Variants in ELFN1 observed in about 807,000 individuals in gnomAD.
ELFN1 encodes the protein extracellular leucine rich repeat and fibronectin type III domain containing 1, also known as protein ELFN1.
In ELFN1, 6 loss-of-function variants were observed where a neutral mutation model predicts 7.6. The ratio of observed to expected loss-of-function variants is 0.79; its 90% CI spans 0.43 to 1.56. ELFN1 has a LOEUF of 1.56. Among genes scored for constraint, ELFN1 ranks in the 40% most tolerant of loss-of-function variants. The probability of loss-of-function intolerance (pLI) is 0.01; values close to 1 mark genes in which losing one functional copy is unlikely to be tolerated. For synonymous variants in ELFN1, 657 were observed against 588.1 expected (o/e 1.12, Z -1.70); for missense variants, 1,169 against 1,232.2 (o/e 0.95, Z 0.77).
At chr7:1,680,563 A>G (rs1778955595) in intron 1 of ELFN1, among the ~76,000 whole-genome samples, 1 of 151,586 alleles carries the variant, frequency 6.6e-6, no homozygotes, top group Non-Finnish European at 1.5e-5. Context: ...CGTGCCTTCC[A>G]CTCTCCATCT....
At position 1,705,234 on chromosome 7, in the gene ELFN1, G is replaced by A. The variant is rs1229635963; in HGVS notation, c.-455-3857G>A. On this transcript the variant is annotated intron_variant, in intron 2 of 3. Transcript: ENST00000424383. The surrounding 1 kb of genome is among the most constrained non-coding windows in gnomAD (Gnocchi z 4.3). The stretch of plus-strand genomic sequence containing the variant: ...GCGGGGCGGCACAGCTGTGCGGGAG[G>A]CTGGGCTGCTGGCATCAGCAGGCGC... Among the ~76,000 whole-genome samples, 5 of 152,284 alleles carry A rather than the reference G, an allele frequency of 3.3e-5. No homozygotes were observed. The highest frequency in any genetic ancestry group is 2.6e-4 in the Admixed American group (4 of 15,310).
upstream of ELFN1, among the ~76,000 whole-genome samples, chr7:1,667,160 C>A (rs67106788): frequency 0.11 from 16,970 of 151,580 alleles, 967 homozygotes; most frequent in African/African-American, 0.13. The surrounding 1 kb of genome is among the most constrained non-coding windows in gnomAD (Gnocchi z 8.2). Context: ...TCCCAAACTG[C>A]ACGGTGGCCA....
At chr7:1,697,844 G>C (rs1202940899) in intron 2 of ELFN1, among the ~76,000 whole-genome samples, 1 of 152,170 alleles carries the variant, frequency 6.6e-6, no homozygotes, top group East Asian at 1.9e-4. Flanking sequence ...GAGTGCAGTG[G>C]TGCAATCATG....
At position 1,695,253 on chromosome 7, in the gene ELFN1, G is replaced by A. The variant is rs1013965082; in HGVS notation, c.-456+7103G>A. 4.6e-5 allele frequency among the ~76,000 whole-genome samples: 7 copies of A among 152,308 alleles called. 1 individual carries two copies. The highest frequency in any genetic ancestry group is 1.7e-4 in the African/African-American group (7 of 41,564). On this transcript the variant is annotated intron_variant, in intron 2 of 3. Transcript: ENST00000424383. The surrounding 1 kb of genome is among the most constrained non-coding windows in gnomAD (Gnocchi z 5.1). Reference sequence around the variant, plus strand: ...CCTGAGAACCCCAGGAAGTAGTAGCGTGCCAGGTGCGTGGCCGGCCTCCCA... The same window carrying A: ...CCTGAGAACCCCAGGAAGTAGTAGCATGCCAGGTGCGTGGCCGGCCTCCCA...
In ELFN1 at chr7:1,739,796, G is replaced by C. The variant is rs533078964; in HGVS notation, c.-293-4508G>C. ...CAGAGGTCACCGGTGGCCTTGGTGA[G>C]AGCGGCTCAGAGGGCCCGAGGGGGG... On this transcript the variant is annotated intron_variant, in intron 3 of 3. Transcript: ENST00000424383. The surrounding 1 kb of genome is among the most constrained non-coding windows in gnomAD (Gnocchi z 4.6). Among the ~76,000 whole-genome samples the C allele has an allele frequency of 6.6e-6, 1 of 152,308 alleles. No homozygotes were observed. The highest frequency in any genetic ancestry group is 1.9e-4 in the East Asian group (1 of 5,174).
intron 3 of ELFN1, among the ~76,000 whole-genome samples, chr7:1,709,499 G>A (rs1779605596): frequency 6.6e-6 from 1 of 152,238 alleles, no homozygotes; most frequent in Non-Finnish European, 1.5e-5. Flanking sequence ...GGGCTGCCGG[G>A]GGACCCGGAA....
rs551679156 is a variant in ELFN1, at chr7:1,701,361, A to C, written c.-455-7730A>C. On this transcript the variant is annotated intron_variant, in intron 2 of 3. Coordinates refer to ENST00000424383, the MANE Select transcript of ELFN1 (RefSeq NM_001128636.4). ...CCATCATGCCTGGCTAATTTTTTAC[A>C]CAAATTTTGTAGACACGGTGTCTTC... is the stretch of plus-strand genomic sequence containing the variant. Among the ~76,000 whole-genome samples, 191 of 152,276 alleles carry C rather than the reference A, an allele frequency of 1.3e-3. 1 individual carries two copies. Among genetic ancestry groups the C allele is most frequent in the Non-Finnish European group, 2.4e-3 (164 of 68,020 alleles).
chr7:1,744,312 T>C lies in ELFN1; in HGVS notation c.-285T>C. 2.4e-6 allele frequency: 1 copy of C among 419,116 alleles called. No homozygotes were observed. Among genetic ancestry groups the C allele is most frequent in the East Asian group, 4.0e-5 (1 of 25,164 alleles). 26.0% of individuals were successfully genotyped at this position (419,116 alleles called of 1,614,324 possible). Reference sequence around the variant, plus strand: ...TCTCTCTTGTCTTGCAGCAGGAACGTCGGAGCAGGAGGAGTCAGTGGAGCC... The same window carrying C: ...TCTCTCTTGTCTTGCAGCAGGAACGCCGGAGCAGGAGGAGTCAGTGGAGCC... On this transcript the variant is annotated 5_prime_UTR_variant, in exon 4 of 4. Transcript: ENST00000424383.
chr7:1,703,582 G>A (rs761905039), intron 2 of ELFN1, among the ~76,000 whole-genome samples: 7 of 152,248 alleles, frequency 4.6e-5, no homozygotes, highest in Middle Eastern at 3.4e-3. Flanking sequence ...GTTAATTGCC[G>A]CTTGCAGTTT....
intron 3 of ELFN1, among the ~76,000 whole-genome samples, chr7:1,737,699 C>A (rs1780488978): frequency 6.6e-6 from 1 of 152,178 alleles, no homozygotes; most frequent in Non-Finnish European, 1.5e-5. Context: ...AACACCCCTG[C>A]TGATGGGGGG....
chr7:1,677,264 C>A (rs1217966182), intron 1 of ELFN1, among the ~76,000 whole-genome samples: 4 of 152,194 alleles, frequency 2.6e-5, no homozygotes, highest in African/African-American at 4.8e-5. Flanking sequence ...ATGAACCCCC[C>A]AGAATGGATT....
rs767268437 is a variant in ELFN1 at position 1,745,128 on chromosome 7, G to A, written c.532G>A (p.Gly178Ser). Residue 178 changes from glycine (G) to serine (S), a missense_variant, in exon 4 of 4, where the codon GGC becomes AGC. By Grantham distance (56) the Gly-to-Ser change is moderately conservative (BLOSUM62 0). Around this residue, in one of 2 missense-constraint regions of ELFN1, gnomAD observed 255 missense variants for 359.6 expected, o/e 0.71. Coordinates refer to ENST00000424383, the MANE Select transcript of ELFN1 (RefSeq NM_001128636.4). ...GCAGCTCAACAGCGGCACCTTCGCC[G>A]GCCTGGCCAAGCTGTCGGTGTGCGA... is the stretch of plus-strand genomic sequence containing the variant. ...IQQLNSGTFA[G>S]LAKLSVCELY... 9 of 1,550,688 alleles carry A rather than the reference G, an allele frequency of 5.8e-6. No homozygotes were observed. Among genetic ancestry groups the A allele is most frequent in the African/African-American group, 2.7e-5 (2 of 73,054 alleles).
chr7:1,693,497 G>A (rs1243634406), intron 2 of ELFN1: 2 of 471,048 alleles, frequency 4.2e-6, no homozygotes, highest in Middle Eastern at 3.2e-4. Flanking sequence ...CAGAGTATAC[G>A]ATGTGTGGTG....
intron 2 of ELFN1, among the ~76,000 whole-genome samples, chr7:1,696,248 GAA>G (rs975869379): frequency 1.3e-5 from 2 of 151,304 alleles, no homozygotes; most frequent in Admixed American, 1.3e-4. Flanking sequence ...GAGAGAGAGA[GAA>G]AGAGGGTGAG....
chr7:1,674,551 C>T (rs377114585), intron 1 of ELFN1, among the ~76,000 whole-genome samples: 7 of 152,188 alleles, frequency 4.6e-5, no homozygotes, highest in Middle Eastern at 3.4e-3. Context: ...GGCATCCAGG[C>T]AGGAGAGGCA....
chr7:1,690,028 G>A (rs1779127617), intron 2 of ELFN1, among the ~76,000 whole-genome samples: 1 of 152,180 alleles, frequency 6.6e-6, no homozygotes, highest in Non-Finnish European at 1.5e-5. Flanking sequence ...TTCCCTTCTT[G>A]ACATATGCAT....
chr7:1,680,589 G>A (rs1778956417), intron 1 of ELFN1, among the ~76,000 whole-genome samples: 2 of 152,140 alleles, frequency 1.3e-5, no homozygotes, highest in South Asian at 4.1e-4. Context: ...CCCATTGCAA[G>A]GGCACCAGGC....
Position 1,744,968 on chromosome 7 carries a change from G to A in ELFN1, c.372G>A (p.Thr124=), listed in dbSNP as rs975230706. ...GCTACAACCGGCTGCGCAACCTCAC[G>A]GAGGGCATGCTGCGCGGCCTGGGCA... ...QLGYNRLRNL[T]EGMLRGLGKL... Residue 124 remains threonine, a synonymous_variant, in exon 4 of 4, where the codon ACG becomes ACA. Transcript: ENST00000424383. The A allele has an allele frequency of 2.4e-5, 37 of 1,551,118 alleles. No homozygotes were observed. The East Asian group carries it at 4.2e-4, about 17-fold the overall frequency.
chr7:1,703,949 C>T (rs541202295), intron 2 of ELFN1, among the ~76,000 whole-genome samples: 12 of 152,264 alleles, frequency 7.9e-5, no homozygotes, highest in Admixed American at 6.5e-4. Context: ...AGCAAGGGGC[C>T]GGGAGGGCTC....
Sources: gnomAD v4.1 joint callset for allele counts (sites outside exome capture counted in the v4.1 genomes callset) on GRCh38, gnomAD v4.1.1 for gene constraint, gnomAD v4.1.1 regional missense constraint, Gnocchi (gnomAD v3.1) non-coding constraint, MANE v1.5 for transcripts, NCBI Gene and HGNC (gene_info 2026-07-23, HGNC 2026-07-21) for gene names.